The following ZC3H13 variants were observed in gnomAD, a reference collection of about 807,000 sequenced individuals.
ZC3H13 encodes the protein zinc finger CCCH domain-containing protein 13.
In ZC3H13, 64 loss-of-function variants were observed where a neutral mutation model predicts 204.1. The ratio of observed to expected loss-of-function variants is 0.31; its 90% CI spans 0.26 to 0.39. The LOEUF is 0.39. Ranked by LOEUF, ZC3H13 falls within the 10% of genes least tolerant of loss-of-function variation. The probability of loss-of-function intolerance (pLI) is 1.00; values close to 1 mark genes in which losing one functional copy is unlikely to be tolerated. For synonymous variants in ZC3H13, 667 were observed against 693.7 expected (o/e 0.96, Z 0.60); for missense variants, 1,833 against 2,082.7 (o/e 0.88, Z 2.33).
chr13:45,988,400 G>A (rs529965953), intron 9 of ZC3H13, among the ~76,000 whole-genome samples: 13 of 152,252 alleles, frequency 8.5e-5, no homozygotes, highest in South Asian at 6.2e-4. Flanking sequence ...TAGGACTACA[G>A]GTGCATGCCA....
In ZC3H13 at chr13:46,010,438, G is replaced by A. The variant is rs749060933; in HGVS notation, c.656C>T (p.Pro219Leu). The A allele has an allele frequency of 5.0e-6, 8 of 1,613,590 alleles. No homozygotes were observed. Among genetic ancestry groups the A allele is most frequent in the East Asian group, 4.5e-5 (2 of 44,868 alleles). The part of the protein sequence containing the change: ...SPSLRKSSKS[P>L]KRKSSPKSSS... ...CGACTTCGGGCTTGATTTTCGCTTCGGAGATTTGCTAGACTTTCTTAGAGA... is the reference window on the plus strand; with the variant it reads ...CGACTTCGGGCTTGATTTTCGCTTCAGAGATTTGCTAGACTTTCTTAGAGA... The change falls in exon 7 of 19, where the codon CCG becomes CTG. Residue 219 changes from proline to leucine, a missense_variant. Transcript: ENST00000679008.
chr13:46,034,066 A>C (rs1164311132), intron 4 of ZC3H13, among the ~76,000 whole-genome samples: 1 of 152,168 alleles, frequency 6.6e-6, no homozygotes, highest in African/African-American at 2.4e-5. Flanking sequence ...ATATGAAAAG[A>C]TGTTCAACAT....
chr13:45,996,892 T>C (rs959812081), intron 8 of ZC3H13, among the ~76,000 whole-genome samples: 37 of 152,214 alleles, frequency 2.4e-4, no homozygotes, highest in African/African-American at 8.7e-4. Context: ...GAAGAAGAAA[T>C]TCATGCATAG....
chr13:46,003,557 A>T (rs563762196), intron 7 of ZC3H13, among the ~76,000 whole-genome samples: 1 of 152,274 alleles, frequency 6.6e-6, no homozygotes, highest in Non-Finnish European at 1.5e-5. Context: ...ATATAACTTT[A>T]AAGGGGCAGG....
chr13:46,000,164 T>G (rs1052414410), intron 8 of ZC3H13, among the ~76,000 whole-genome samples: 1 of 152,270 alleles, frequency 6.6e-6, no homozygotes, highest in East Asian at 1.9e-4. Context: ...GGCTTCACCT[T>G]AAAACCCCCA....
chr13:46,009,520 G>T (rs1430862003), intron 7 of ZC3H13, among the ~76,000 whole-genome samples: 2 of 152,104 alleles, frequency 1.3e-5, no homozygotes, highest in African/African-American at 4.8e-5. Flanking sequence ...GAACTAGAAG[G>T]AGGGAGATAA....
intron 10 of ZC3H13, among the ~76,000 whole-genome samples, chr13:45,983,130 T>C (rs1033439315): frequency 6.6e-6 from 1 of 151,970 alleles, no homozygotes; most frequent in Non-Finnish European, 1.5e-5. Context: ...AGAAACATTT[T>C]GCATTCAACC....
chr13:46,018,699 G>A (rs1841483792), intron 5 of ZC3H13, among the ~76,000 whole-genome samples: 1 of 152,118 alleles, frequency 6.6e-6, no homozygotes, highest in South Asian at 2.1e-4. Context: ...GATTTATGGA[G>A]AAGGTTTGAC....
At position 46,042,218 on chromosome 13, in the gene ZC3H13, G is replaced by A. The variant is rs370058764; in HGVS notation, c.285C>T (p.Asp95=). The change falls in exon 4 of 19, where the codon GAC becomes GAT. Residue 95 remains aspartate (D), a synonymous_variant. Transcript: ENST00000679008. ...LRERMKNKRQ[D]VDTEPQKRNT... is the part of the protein sequence containing the mutation. Reference sequence around the variant, plus strand: ...TTCGTTTCTGGGGCTCAGTGTCCACGTCTTGGCGCTTGTTCTTCATTCTTT... The same window carrying A: ...TTCGTTTCTGGGGCTCAGTGTCCACATCTTGGCGCTTGTTCTTCATTCTTT... The A allele has an allele frequency of 2.5e-5, 40 of 1,613,314 alleles. No individual in the cohort carries two copies. The highest frequency in any genetic ancestry group is 3.1e-5 in the Non-Finnish European group (37 of 1,179,544).
intron 5 of ZC3H13, among the ~76,000 whole-genome samples, chr13:46,016,010 T>C (rs2041888143): frequency 6.6e-6 from 1 of 151,718 alleles, no homozygotes; most frequent in Non-Finnish European, 1.5e-5. Flanking sequence ...GGGTGTACAA[T>C]GGTCAGTGAA....
Position 45,969,444 on chromosome 13 carries a change from G to T in ZC3H13, c.3100C>A (p.Pro1034Thr), listed in dbSNP as rs1330397223. The T allele has an allele frequency of 2.5e-6, 4 of 1,613,828 alleles. No homozygotes were observed. The highest frequency in any genetic ancestry group is 3.4e-6 in the Non-Finnish European group (4 of 1,180,010). Residue 1034 changes from proline (P) to threonine (T), a missense_variant, in exon 14 of 19, where the codon CCC becomes ACC. Coordinates refer to ENST00000679008, the MANE Select transcript of ZC3H13 (RefSeq NM_001330564.2). ...QSKKKRGPRT[P>T]PITTKEELVE... The stretch of plus-strand genomic sequence containing the variant: ...AATTCCTCTTTAGTTGTTATAGGGG[G>T]AGTCCGTGGGCCTCTTTTCTTCTTA...
chr13:45,981,980 GCA>G (rs1327434517), intron 10 of ZC3H13, among the ~76,000 whole-genome samples: 2 of 150,156 alleles, frequency 1.3e-5, no homozygotes, highest in Non-Finnish European at 3.0e-5. Context: ...TAACTAACCT[GCA>G]CATTGTGCAC....
Position 46,037,344 on chromosome 13 carries a change from A to G in ZC3H13, c.339+4820T>C, listed in dbSNP as rs1196060111. Among the ~76,000 whole-genome samples the G allele has an allele frequency of 3.3e-5, 5 of 152,306 alleles. No homozygotes were observed. The East Asian group carries it at 9.7e-4, about 29-fold the overall frequency. ...ATAGGGCACCTCTAACTCCTAAATT[A>G]GGTATCTTCCCACAGTGACAAATTA... On this transcript the variant is annotated intron_variant, in intron 4 of 18. Coordinates refer to ENST00000679008, the MANE Select transcript of ZC3H13 (RefSeq NM_001330564.2).
Position 45,964,107 on chromosome 13 carries a change from GACATTTACATAAATCA to G in ZC3H13, c.4475-81_4475-66del, listed in dbSNP as rs1171769062. The G allele has an allele frequency of 1.4e-5, 20 of 1,421,692 alleles. No homozygotes were observed. The East Asian group carries it at 1.6e-4, about 11-fold the overall frequency. The allele number at this position is 1,421,692 out of a possible 1,614,324, so 88.1% of individuals were successfully genotyped here. A position where few individuals can be genotyped will look rare whatever the true frequency, so the allele number is the denominator to read the frequency against. ...AAATAGCAGTCTTGTTATCTACATA[GACATTTACATAAATCA>G]AGGAGAAAACAGAAAAAATGAAAAG... On this transcript the variant is annotated intron_variant, in intron 16 of 18. Transcript: ENST00000679008.
At chr13:45,963,088 T>A in intron 17 of ZC3H13, 1 of 981,728 alleles carries the variant, frequency 1.0e-6, no homozygotes, top group Non-Finnish European at 1.2e-6. Flanking sequence ...GTGTTTTGCC[T>A]GTAATAACTC....
At chr13:46,040,803 ATAT>A (rs1186856925) in intron 4 of ZC3H13, among the ~76,000 whole-genome samples, 1 of 152,162 alleles carries the variant, frequency 6.6e-6, no homozygotes, top group African/African-American at 2.4e-5. Flanking sequence ...TCCAAAGAAA[ATAT>A]ACAAATAGCC....
chr13:46,026,730 T>A (rs2042566135), intron 4 of ZC3H13, among the ~76,000 whole-genome samples: 1 of 152,108 alleles, frequency 6.6e-6, no homozygotes, highest in South Asian at 2.1e-4. Context: ...AATCCAAATC[T>A]AAAGAGGAGA....
At chr13:46,046,912 A>G (rs1007791988) in intron 1 of ZC3H13, among the ~76,000 whole-genome samples, 4 of 152,206 alleles carry the variant, frequency 2.6e-5, no homozygotes, top group Non-Finnish European at 5.9e-5. Flanking sequence ...GGGAAGGAAA[A>G]AAAACACCAT....
At position 45,964,129 on chromosome 13, in the gene ZC3H13, A is replaced by G. The variant is rs947529896; in HGVS notation, c.4475-87T>C. On this transcript the variant is annotated intron_variant, in intron 16 of 18. Transcript: ENST00000679008. ...ATAGACATTTACATAAATCAAGGAGAAAACAGAAAAAATGAAAAGTACTTT... is the reference window on the plus strand; with the variant it reads ...ATAGACATTTACATAAATCAAGGAGGAAACAGAAAAAATGAAAAGTACTTT... 4.6e-6 allele frequency: 6 copies of G among 1,297,820 alleles called. No homozygotes were observed. In the African/African-American group the frequency reaches 9.0e-5, roughly 19 times the overall value. The allele number at this position is 1,297,820 out of a possible 1,614,324, so 80.4% of individuals were successfully genotyped here. A position where few individuals can be genotyped will look rare whatever the true frequency, so the allele number is the denominator to read the frequency against.
Sources: gnomAD v4.1 joint callset for allele counts (sites outside exome capture counted in the v4.1 genomes callset) on GRCh38, gnomAD v4.1.1 for gene constraint, MANE v1.5 for transcripts, NCBI Gene and HGNC (gene_info 2026-07-23, HGNC 2026-07-21) for gene names.